The following TSC22D3 variants were observed in gnomAD, a reference collection of about 807,000 sequenced individuals.
TSC22D3 encodes the protein TSC22 domain family protein 3.
In TSC22D3, 4 loss-of-function variants were observed where a neutral mutation model predicts 11.1. That is an observed-to-expected ratio of 0.36 (90% CI 0.18 to 0.83). The LOEUF (loss-of-function observed/expected upper bound fraction) is 0.83, where lower values mean the gene tolerates loss of function less well. Among genes scored for constraint, TSC22D3 ranks in the 40% least tolerant of loss-of-function variants. The probability of loss-of-function intolerance (pLI) is 0.48; values close to 1 mark genes in which losing one functional copy is unlikely to be tolerated. For synonymous variants in TSC22D3, 77 were observed against 70.3 expected (o/e 1.10, Z -0.48); for missense variants, 118 against 159.4 (o/e 0.74, Z 1.40).
chrX:107,716,715 C>G, intron 1 of TSC22D3: 1 of 1,209,316 alleles, frequency 8.3e-7, no homozygotes. Flanking sequence ...ACGGAAACCA[C>G]ATCCCCTCCA....
intron 1 of TSC22D3, among the ~76,000 whole-genome samples, chrX:107,723,187 A>G (rs1252592013): frequency 2.7e-5 from 3 of 111,310 alleles, no homozygotes; most frequent in African/African-American, 9.8e-5. Context: ...AGATAGGATA[A>G]TGCAGCAGCA....
At position 107,732,172 on chromosome X, in the gene TSC22D3, A is replaced by G. The variant is rs576699212; in HGVS notation, c.321-16222T>C. ...TCCAGGATTTCAGCTTCATAGGCCA[A>G]TCTGCTTCCTTGTTCAGCCACTGCC... On this transcript the variant is annotated intron_variant, in intron 1 of 2. Transcript: ENST00000372383. 6.5e-5 allele frequency among the ~76,000 whole-genome samples: 7 copies of G among 107,324 alleles called. No individual in the cohort carries two copies. The South Asian group carries it at 1.7e-3, about 26-fold the overall frequency. The allele number at this position is 107,324 out of a possible 115,157, so 93.2% of individuals were successfully genotyped here.
intron 1 of TSC22D3, among the ~76,000 whole-genome samples, chrX:107,719,507 A>G (rs1015597445): frequency 8.9e-6 from 1 of 112,409 alleles, no homozygotes; most frequent in African/African-American, 3.2e-5. Context: ...CACTGTCACT[A>G]TCATTTTACA....
chrX:107,715,991 T>C (rs1602941093), intron 1 of TSC22D3, 41 bp from the exon 2 acceptor site: 1 of 1,197,575 alleles, frequency 8.4e-7, no homozygotes. Flanking sequence ...ACCCACTCGG[T>C]TCTACTCTTG....
intron 1 of TSC22D3, among the ~76,000 whole-genome samples, chrX:107,734,659 A>G (rs1352001234): frequency 9.1e-6 from 1 of 110,279 alleles, no homozygotes; most frequent in African/African-American, 3.3e-5. Context: ...TGGGGGACCA[A>G]GCCTCAGGCA....
chrX:107,719,829 C>T (rs1169849375), intron 1 of TSC22D3, among the ~76,000 whole-genome samples: 3 of 111,646 alleles, frequency 2.7e-5, no homozygotes, highest in South Asian at 3.7e-4. Context: ...TTTTCTGACA[C>T]GTGAGGCAGA....
At chrX:107,773,497 A>G (rs3924026) in intron 1 of TSC22D3, among the ~76,000 whole-genome samples, 12,527 of 112,084 alleles carry the variant, frequency 0.11, 1,730 homozygotes, top group African/African-American at 0.39. Context: ...CAGGATTTCA[A>G]CGTCTGTGGG....
chrX:107,739,296 G>T (rs988082463), intron 1 of TSC22D3, among the ~76,000 whole-genome samples: 2 of 112,861 alleles, frequency 1.8e-5, no homozygotes, highest in Admixed American at 9.3e-5. Context: ...GAAGCAATGG[G>T]TATATGGACT....
intron 1 of TSC22D3, among the ~76,000 whole-genome samples, chrX:107,748,560 C>T (rs1360752182): frequency 8.9e-6 from 1 of 111,782 alleles, no homozygotes; most frequent in African/African-American, 3.3e-5. Context: ...ATCTTCCTCC[C>T]TTCTGCCTCA....
intron 1 of TSC22D3, among the ~76,000 whole-genome samples, chrX:107,717,468 A>T: frequency 9.0e-6 from 1 of 111,675 alleles, no homozygotes; most frequent in South Asian, 3.7e-4. Context: ...CCCTCTTCCC[A>T]GTCACTGCCC....
At chrX:107,771,934 T>C (rs1248537645) in intron 1 of TSC22D3, among the ~76,000 whole-genome samples, 3 of 112,638 alleles carry the variant, frequency 2.7e-5, no homozygotes, top group Non-Finnish European at 5.6e-5. Context: ...ATAAGGATTT[T>C]CTAGCACAGT....
intron 1 of TSC22D3, among the ~76,000 whole-genome samples, chrX:107,733,099 CAAA>C (rs11313485): frequency 2.9e-4 from 16 of 54,655 alleles, no homozygotes; most frequent in Admixed American, 8.6e-4. Flanking sequence ...GACCCTGTCT[CAAA>C]AAAAAAAAAA....
chrX:107,735,149 T>G (rs938521728), intron 1 of TSC22D3, among the ~76,000 whole-genome samples: 2 of 102,684 alleles, frequency 1.9e-5, no homozygotes, highest in Non-Finnish European at 2.1e-5. Context: ...ATTGTTGGGG[T>G]TTTTTTTTTC....
rs757594998 is a variant in TSC22D3, at chrX:107,774,954, C to T, written c.320+146G>A. ...CTCAGCTCCGCGGTACTCCAGGCAA[C>T]CTCAAGGTCCAGTCACTGTAGCCTG... On this transcript the variant is annotated intron_variant, in intron 1 of 2. Coordinates refer to ENST00000372383, the MANE Select transcript of TSC22D3 (RefSeq NM_198057.3). 9.1e-5 allele frequency: 60 copies of T among 662,479 alleles called. No individual in the cohort carries two copies. The South Asian group carries it at 1.5e-3, about 17-fold the overall frequency. The allele number at this position is 662,479 out of a possible 1,213,427, so 54.6% of individuals were successfully genotyped here. A position where few individuals can be genotyped will look rare whatever the true frequency, so the allele number is the denominator to read the frequency against.
chrX:107,725,840 G>C (rs145232512), intron 1 of TSC22D3, among the ~76,000 whole-genome samples: 1,789 of 111,298 alleles, frequency 0.016, 36 homozygotes, highest in African/African-American at 0.055. Flanking sequence ...GTGGGAAAGA[G>C]AGAACCCAGC....
chrX:107,756,533 C>T (rs565000993), intron 1 of TSC22D3, among the ~76,000 whole-genome samples: 5 of 112,779 alleles, frequency 4.4e-5, no homozygotes, highest in Middle Eastern at 9.2e-3. Flanking sequence ...CCAACAAGCA[C>T]GGCTTTATTT....
At chrX:107,717,410 C>T (rs1028342909) in intron 1 of TSC22D3, among the ~76,000 whole-genome samples, 3 of 112,765 alleles carry the variant, frequency 2.7e-5, no homozygotes, top group African/African-American at 9.7e-5. Context: ...TTTGCATGCT[C>T]TCCCATGTCA....
intron 1 of TSC22D3, among the ~76,000 whole-genome samples, chrX:107,727,073 G>A (rs1444404941): frequency 9.0e-6 from 1 of 111,511 alleles, no homozygotes; most frequent in Non-Finnish European, 1.9e-5. Context: ...TTGGGGCACC[G>A]GGGACTCAGC....
intron 1 of TSC22D3, among the ~76,000 whole-genome samples, chrX:107,736,679 G>A (rs1461136481): frequency 1.8e-5 from 2 of 110,923 alleles, no homozygotes; most frequent in African/African-American, 3.3e-5. Context: ...ATCGTCTTTC[G>A]GTCTGTGCTC....
Sources: gnomAD v4.1 joint callset for allele counts (sites outside exome capture counted in the v4.1 genomes callset) on GRCh38, gnomAD v4.1.1 for gene constraint, MANE v1.5 for transcripts, NCBI Gene and HGNC (gene_info 2026-07-23, HGNC 2026-07-21) for gene names.